RBFOX1: variants seen among roughly 807,000 people sequenced by gnomAD.
RBFOX1 encodes the protein RNA binding protein fox-1 homolog 1.
RBFOX1 carries 8 observed loss-of-function variants against 57.7 expected under a neutral mutation model. That is an observed-to-expected ratio of 0.14 (90% CI 0.08 to 0.25). The LOEUF (loss-of-function observed/expected upper bound fraction) is 0.25, where lower values mean the gene tolerates loss of function less well. Among genes scored for constraint, RBFOX1 ranks in the 10% least tolerant of loss-of-function variants. The pLI, the probability that RBFOX1 is intolerant of heterozygous loss-of-function variation, is 1.00. For synonymous variants in RBFOX1, 326 were observed against 222.4 expected, an observed-to-expected ratio of 1.47 and a Z score of -4.15; for missense variants, 611 against 548.5, an observed-to-expected ratio of 1.11 and a Z score of -1.14.
intron 4 of RBFOX1, among the ~76,000 whole-genome samples, chr16:7,106,270 C>T (rs548770145): frequency 1.3e-5 from 2 of 152,146 alleles, no homozygotes; most frequent in South Asian, 2.1e-4. Context: ...TAAACACATA[C>T]GTGAGTTTCC....
At chr16:6,552,263 A>T (rs554147036) in intron 2 of RBFOX1, among the ~76,000 whole-genome samples, 2 of 152,322 alleles carry the variant, frequency 1.3e-5, no homozygotes, top group East Asian at 3.9e-4. Flanking sequence ...GAAGGAGGGC[A>T]ACCCCTTTTC....
intron 4 of RBFOX1, among the ~76,000 whole-genome samples, chr16:7,241,976 A>T (rs114689787): frequency 0.015 from 2,259 of 152,190 alleles, 45 homozygotes; most frequent in African/African-American, 0.052. Context: ...AGGGTTTTCA[A>T]CTTTGGCCCT....
At chr16:6,008,491 A>T (rs1052806384) in intron 4 of RBFOX1, among the ~76,000 whole-genome samples, 6 of 152,134 alleles carry the variant, frequency 3.9e-5, no homozygotes, top group African/African-American at 1.4e-4. Context: ...TGGAGGTGAT[A>T]AATGTGGATT....
intron 4 of RBFOX1, among the ~76,000 whole-genome samples, chr16:5,941,748 T>C (rs1319941064): frequency 6.6e-6 from 1 of 152,018 alleles, no homozygotes; most frequent in African/African-American, 2.4e-5. Flanking sequence ...AACTGAAGTT[T>C]AGGAAGACTA....
intron 3 of RBFOX1, among the ~76,000 whole-genome samples, chr16:6,967,516 A>C (rs1050871875): frequency 3.3e-5 from 5 of 152,106 alleles, no homozygotes; most frequent in African/African-American, 1.2e-4. Flanking sequence ...GAAAAACAGG[A>C]ACCCTTTCAT....
chr16:5,880,959 G>A (rs2057747165), intron 4 of RBFOX1, among the ~76,000 whole-genome samples: 1 of 152,184 alleles, frequency 6.6e-6, no homozygotes. Context: ...AGATATCTGT[G>A]ACAATTATAA....
rs544007183 is a variant in RBFOX1 at position 6,580,246 on chromosome 16, C to A, written c.-63-74357C>A. Among the ~76,000 whole-genome samples the A allele has an allele frequency of 1.4e-3, 209 of 152,296 alleles. 1 individual carries two copies. The highest frequency in any genetic ancestry group is 4.6e-3 in the African/African-American group (191 of 41,566). The stretch of plus-strand genomic sequence containing the variant: ...TGCTGGGATTACAGGCATGAGCCAC[C>A]ATGCCCGGCCAGGCCTGTTCATCTT... On this transcript the variant is annotated intron_variant, in intron 2 of 15. Coordinates refer to ENST00000550418, the MANE Select transcript of RBFOX1 (RefSeq NM_018723.4).
At chr16:5,626,377 C>T (rs2048351354) in intron 3 of RBFOX1, among the ~76,000 whole-genome samples, 1 of 152,158 alleles carries the variant, frequency 6.6e-6, no homozygotes, top group South Asian at 2.1e-4. Flanking sequence ...TTTTAATCTT[C>T]TCATCTTAGG....
Position 6,309,922 on chromosome 16 carries a change from A to G in RBFOX1, c.-126-7073A>G, listed in dbSNP as rs530406462. Among the ~76,000 whole-genome samples, 7 of 152,326 alleles carry G rather than the reference A, an allele frequency of 4.6e-5. 1 individual carries two copies. In the South Asian group the frequency reaches 8.3e-4, roughly 18 times the overall value. ...TAGTAGTAGTAGCATTTTGAGACAGAGTCTCGCTGTGTCGCCCAGGCTGGA... is the reference window on the plus strand; with the variant it reads ...TAGTAGTAGTAGCATTTTGAGACAGGGTCTCGCTGTGTCGCCCAGGCTGGA... On this transcript the variant is annotated intron_variant, in intron 1 of 15. Transcript: ENST00000550418.
chr16:6,352,480 A>G (rs1297013206), intron 2 of RBFOX1, among the ~76,000 whole-genome samples: 2 of 152,206 alleles, frequency 1.3e-5, no homozygotes, highest in African/African-American at 2.4e-5. Flanking sequence ...ATGGAATTTT[A>G]CTTTGAAAAT....
chr16:7,515,579 A>G (rs1600605576), intron 4 of RBFOX1, among the ~76,000 whole-genome samples: 2 of 152,308 alleles, frequency 1.3e-5, no homozygotes, highest in Non-Finnish European at 2.9e-5. Flanking sequence ...ACATATGTCA[A>G]AACATCAAGT....
At chr16:6,792,730 G>A (rs902513154) in intron 3 of RBFOX1, among the ~76,000 whole-genome samples, 2 of 152,088 alleles carry the variant, frequency 1.3e-5, no homozygotes, top group South Asian at 2.1e-4. Flanking sequence ...TTCTTGAAGG[G>A]GATATAAATA....
intron 4 of RBFOX1, among the ~76,000 whole-genome samples, chr16:7,436,444 T>A (rs1277769071): frequency 6.6e-6 from 1 of 152,220 alleles, no homozygotes; most frequent in Non-Finnish European, 1.5e-5. Flanking sequence ...TTGGACAGTG[T>A]CCATCAGATC....
At chr16:5,756,667 A>T (rs1236239672) in intron 3 of RBFOX1, among the ~76,000 whole-genome samples, 1 of 152,162 alleles carries the variant, frequency 6.6e-6, no homozygotes, top group East Asian at 1.9e-4. Flanking sequence ...TGACTAATTG[A>T]TAACTAATTT....
At chr16:6,315,532 C>CATGGATGGATGGATTGATGG (rs2080987199) in intron 1 of RBFOX1, among the ~76,000 whole-genome samples, 1 of 141,862 alleles carries the variant, frequency 7.0e-6, no homozygotes, top group South Asian at 2.4e-4. Flanking sequence ...TGGGTGAGTA[C>CATGGATGGATGGATTGATGG]ATGGATGGAT....
chr16:6,355,900 A>G (rs1419229902), intron 2 of RBFOX1, among the ~76,000 whole-genome samples: 9 of 152,224 alleles, frequency 5.9e-5, no homozygotes, highest in Non-Finnish European at 7.3e-5. Context: ...TCCAAAAACT[A>G]ATGGAGTTTT....
Position 5,581,296 on chromosome 16 carries a change from G to A in RBFOX1, c.259-17606G>A, listed in dbSNP as rs947927614. ...GTTCTACAAGGAATAGACTTTGGGC[G>A]GAGACAGAGGTCCTAACTCTAGCAA... is the stretch of plus-strand genomic sequence containing the variant. On this transcript the variant is annotated intron_variant, in intron 2 of 2. Coordinates refer to the RBFOX1 transcript ENST00000585867. Among the ~76,000 whole-genome samples, 13 of 152,154 alleles carry A rather than the reference G, an allele frequency of 8.5e-5. No individual in the cohort carries two copies. The East Asian group carries it at 9.6e-4, about 11-fold the overall frequency.
intron 3 of RBFOX1, among the ~76,000 whole-genome samples, chr16:6,959,692 T>C (rs1473484924): frequency 6.6e-6 from 1 of 152,042 alleles, no homozygotes; most frequent in Non-Finnish European, 1.5e-5. Context: ...ATCTCTAAAC[T>C]TGGGGAGGCT....
At chr16:5,543,500 AC>A (rs1432528155) in intron 2 of RBFOX1, among the ~76,000 whole-genome samples, 1 of 152,214 alleles carries the variant, frequency 6.6e-6, no homozygotes, top group Non-Finnish European at 1.5e-5. Flanking sequence ...CACATAGAGA[AC>A]AATAATAATG....
Sources: gnomAD v4.1 joint callset for allele counts (sites outside exome capture counted in the v4.1 genomes callset) on GRCh38, gnomAD v4.1.1 for gene constraint, MANE v1.5 for transcripts, NCBI Gene and HGNC (gene_info 2026-07-23, HGNC 2026-07-21) for gene names.